Variants in ATP6V0A2 observed in about 807,000 individuals in gnomAD.
ATP6V0A2 encodes the protein V-type proton ATPase 116 kDa subunit a 2.
Under a neutral mutation model 104.4 loss-of-function variants are expected in ATP6V0A2, and 58 were observed. The observed-to-expected ratio is 0.56, with a 90% CI of 0.45 to 0.69. The LOEUF (loss-of-function observed/expected upper bound fraction) is 0.69. Among genes scored for constraint, ATP6V0A2 ranks in the 30% least tolerant of loss-of-function variants. ATP6V0A2 has a pLI of 0.00. For synonymous variants in ATP6V0A2, 376 were observed against 397.9 expected (o/e 0.95, Z 0.65); for missense variants, 938 against 1,062.9 (o/e 0.88, Z 1.63).
intron 1 of ATP6V0A2, among the ~76,000 whole-genome samples, chr12:123,714,184 A>G (rs1428330035): frequency 5.3e-5 from 8 of 152,242 alleles, no homozygotes; most frequent in Non-Finnish European, 1.0e-4. Flanking sequence ...CAAACGTACT[A>G]ATCACTATGA....
At chr12:123,756,229 A>T (rs1343185018) in intron 18 of ATP6V0A2, 1 of 149,022 alleles carries the variant, frequency 6.7e-6, no homozygotes, top group African/African-American at 2.5e-5. Context: ...GATGCTTCGG[A>T]TGGTTTTGAT....
chr12:123,745,212 A>G (rs576387587), intron 13 of ATP6V0A2, among the ~76,000 whole-genome samples: 48 of 152,284 alleles, frequency 3.2e-4, no homozygotes, highest in African/African-American at 1.1e-3. Flanking sequence ...GTGTTCTGTC[A>G]TGTGTCCTAC....
intron 8 of ATP6V0A2, among the ~76,000 whole-genome samples, chr12:123,736,766 G>T (rs548047973): frequency 6.6e-6 from 1 of 152,116 alleles, no homozygotes; most frequent in African/African-American, 2.4e-5. Context: ...TCACGCTGCC[G>T]CAGTGACAAT....
intron 9 of ATP6V0A2, among the ~76,000 whole-genome samples, chr12:123,741,620 T>G (rs115871490): frequency 0.043 from 6,587 of 152,020 alleles, 407 homozygotes; most frequent in African/African-American, 0.14. Context: ...TATTTATTTA[T>G]TTAGTTAGTT....
At chr12:123,719,534 G>A (rs1170247777) in intron 2 of ATP6V0A2, among the ~76,000 whole-genome samples, 3 of 151,930 alleles carry the variant, frequency 2.0e-5, no homozygotes, top group Admixed American at 6.6e-5. Context: ...CTATAGGTGC[G>A]TGCCACCACA....
At chr12:123,735,444 G>A (rs1956543103) in intron 7 of ATP6V0A2, 87 bp from the exon 8 acceptor site, 6 of 1,293,230 alleles carry the variant, frequency 4.6e-6, no homozygotes, top group African/African-American at 1.5e-5. Context: ...CTTTCATTCC[G>A]TTTTGCCAGA....
At chr12:123,751,688 A>G (rs1270507851) in intron 16 of ATP6V0A2, among the ~76,000 whole-genome samples, 1 of 152,152 alleles carries the variant, frequency 6.6e-6, no homozygotes, top group Non-Finnish European at 1.5e-5. Context: ...TGATGTTGAA[A>G]GAGCCTGCTG....
intron 6 of ATP6V0A2, among the ~76,000 whole-genome samples, chr12:123,730,480 A>T (rs1956492110): frequency 6.6e-6 from 1 of 152,154 alleles, no homozygotes; most frequent in Non-Finnish European, 1.5e-5. Context: ...TGAAATAAAA[A>T]TCTAATCCGT....
At chr12:123,729,296 G>A (rs1410557319) in intron 6 of ATP6V0A2, among the ~76,000 whole-genome samples, 1 of 127,996 alleles carries the variant, frequency 7.8e-6, no homozygotes, top group Non-Finnish European at 1.6e-5. Flanking sequence ...CACGGCTCTG[G>A]AATCAACTGT....
intron 17 of ATP6V0A2, among the ~76,000 whole-genome samples, chr12:123,753,729 C>T (rs577414938): frequency 6.6e-6 from 1 of 152,332 alleles, no homozygotes; most frequent in South Asian, 2.1e-4. Flanking sequence ...AGGTGCAGTC[C>T]CAGGAAGACA....
rs1956640459 is a variant in ATP6V0A2, at chr12:123,744,502, C to T, written c.1327-95C>T. On this transcript the variant is annotated intron_variant, in intron 11 of 19. Transcript: ENST00000330342. The surrounding 1 kb of genome is among the most constrained non-coding windows in gnomAD (Gnocchi z 5.4). ...GATGTCTGCGGGGCGAGGCTGTTTT[C>T]TGAGAAGTGAGTGGTGAGGGTCGTG... The T allele has an allele frequency of 6.3e-7, 1 of 1,583,608 alleles. No individual in the cohort carries two copies. Among genetic ancestry groups the T allele is most frequent in the African/African-American group, 1.3e-5 (1 of 74,296 alleles).
At chr12:123,747,516 C>T in intron 13 of ATP6V0A2, 91 bp from the exon 14 acceptor site, 4 of 848,798 alleles carry the variant, frequency 4.7e-6, no homozygotes, top group Non-Finnish European at 8.2e-6. Context: ...AAACTTAGAG[C>T]CACCTTTCAA....
intron 1 of ATP6V0A2, among the ~76,000 whole-genome samples, chr12:123,714,330 G>A (rs1956320217): frequency 1.3e-5 from 2 of 152,304 alleles, no homozygotes; most frequent in African/African-American, 4.8e-5. Context: ...AGGTTGCTGC[G>A]ATGAGCTCTT....
rs1327098763 is a variant in ATP6V0A2 at position 123,726,269 on chromosome 12, C to T, written c.505C>T (p.Leu169=). ...SLLDYSCMQR[L]GAKLGFVSGL... Reference sequence around the variant, plus strand: ...GTTGGATTACAGCTGTATGCAGAGGCTGGGAGCAAAACTGGGGTAGGTGAC... The same window carrying T: ...GTTGGATTACAGCTGTATGCAGAGGTTGGGAGCAAAACTGGGGTAGGTGAC... The change falls in exon 5 of 20, where the codon CTG becomes TTG. Residue 169 remains leucine, a synonymous_variant. Transcript: ENST00000330342. 3 of 1,613,754 alleles carry T rather than the reference C, an allele frequency of 1.9e-6. No homozygotes were observed. The highest frequency in any genetic ancestry group is 2.5e-6 in the Non-Finnish European group (3 of 1,179,640).
rs1242369028 is a variant in ATP6V0A2, at chr12:123,745,090, C to T, written c.1605+118C>T. On this transcript the variant is annotated intron_variant, in intron 13 of 19. Coordinates refer to ENST00000330342, the MANE Select transcript of ATP6V0A2 (RefSeq NM_012463.4). ...TTCACGCTGCCCTGAGCGGGAGGTG[C>T]TCATTAGCCCCTGTGCATCCCAGTC... The T allele has an allele frequency of 3.9e-6, 4 of 1,013,534 alleles. No individual in the cohort carries two copies. In the East Asian group the frequency reaches 1.0e-4, roughly 26 times the overall value. 62.8% of individuals were successfully genotyped at this position (1,013,534 alleles called of 1,614,324 possible). A position where few individuals can be genotyped will look rare whatever the true frequency, so the allele number is the denominator to read the frequency against.
At chr12:123,714,848 A>T (rs1241286307) in intron 1 of ATP6V0A2, among the ~76,000 whole-genome samples, 2 of 152,198 alleles carry the variant, frequency 1.3e-5, no homozygotes, top group Non-Finnish European at 2.9e-5. Context: ...TTCGGAGGCC[A>T]AGGCGGGCAG....
intron 6 of ATP6V0A2, chr12:123,731,058 G>A (rs993681982): frequency 1.3e-5 from 2 of 152,146 alleles, no homozygotes; most frequent in Non-Finnish European, 2.9e-5. Flanking sequence ...CATCTGTGAA[G>A]GAATACAGAG....
At chr12:123,738,839 C>G (rs559505398) in intron 9 of ATP6V0A2, 1 of 152,258 alleles carries the variant, frequency 6.6e-6, no homozygotes, top group East Asian at 1.9e-4. Flanking sequence ...GTTATGTAAC[C>G]TTGTCTCATT....
At chr12:123,737,644 T>TC (rs954765517) in intron 9 of ATP6V0A2, 9 of 309,326 alleles carry the variant, frequency 2.9e-5, no homozygotes, top group African/African-American at 1.9e-4. Context: ...AGTAATTCAT[T>TC]CACATGGTGT....
Sources: gnomAD v4.1 joint callset for allele counts (sites outside exome capture counted in the v4.1 genomes callset) on GRCh38, gnomAD v4.1.1 for gene constraint, Gnocchi (gnomAD v3.1) non-coding constraint, MANE v1.5 for transcripts, NCBI Gene and HGNC (gene_info 2026-07-23, HGNC 2026-07-21) for gene names.